Variants in PSME4 observed in about 807,000 individuals in gnomAD.
The protein encoded by PSME4 is proteasome activator complex subunit 4.
PSME4 carries 89 observed loss-of-function variants against 253.9 expected under a neutral mutation model. The ratio of observed to expected loss-of-function variants is 0.35; its 90% CI spans 0.30 to 0.42. The LOEUF is 0.42. Among genes scored for constraint, PSME4 ranks in the 10% least tolerant of loss-of-function variants. The probability of loss-of-function intolerance (pLI) is 1.00; values close to 1 mark genes in which losing one functional copy is unlikely to be tolerated. For synonymous variants in PSME4, 851 were observed against 759.2 expected (o/e 1.12, Z -1.99); for missense variants, 2,014 against 2,195.2 (o/e 0.92, Z 1.65).
rs766480210 is a variant in PSME4 at position 53,927,398 on chromosome 2, G to C, written c.1589C>G (p.Thr530Arg). Residue 530 changes from threonine to arginine, a missense_variant, in exon 12 of 47, where the codon ACA (threonine) becomes AGA (arginine). Coordinates refer to ENST00000404125, the MANE Select transcript of PSME4 (RefSeq NM_014614.3). ...ATAACCATAAAATACCCTTACTTCTGTGAGGTCATTTCTTTCTTGTAGTAC... is the reference window on the plus strand; with the variant it reads ...ATAACCATAAAATACCCTTACTTCTCTGAGGTCATTTCTTTCTTGTAGTAC... Reference protein sequence around the residue: ...SSVLQERNDLTEVERELCSAT... With the variant: ...SSVLQERNDLREVERELCSAT... 9.6e-6 allele frequency: 15 copies of C among 1,557,762 alleles called. No individual in the cohort carries two copies. Among genetic ancestry groups the C allele is most frequent in the Non-Finnish European group, 1.3e-5 (15 of 1,128,920 alleles).
intron 7 of PSME4, among the ~76,000 whole-genome samples, chr2:53,934,941 C>T (rs1416645054): frequency 6.6e-6 from 1 of 152,078 alleles, no homozygotes; most frequent in Non-Finnish European, 1.5e-5. Context: ...AGGTCAGAGG[C>T]ACATGGACAT....
Position 53,928,281 on chromosome 2 carries a change from A to C in PSME4, c.1339T>G (p.Leu447Val). The change falls in exon 11 of 47, where the codon TTA becomes GTA. Residue 447 changes from leucine (L) to valine (V), a missense_variant. Leu to Val is a conservative substitution (Grantham distance 32). This residue lies in a region of PSME4 where 615 missense variants were observed against 594.4 expected (regional missense o/e 1.03). Transcript: ENST00000404125. Reference sequence around the variant, plus strand: ...GCTGTGAGCTGGTGAGGTTCTGTTAATGTCTCTAATGCAGGATATGTTCTA... The same window carrying C: ...GCTGTGAGCTGGTGAGGTTCTGTTACTGTCTCTAATGCAGGATATGTTCTA... ...LERTYPALET[L>V]TEPHQLTATL... 1 of 1,614,058 alleles carries C rather than the reference A, an allele frequency of 6.2e-7. No individual in the cohort carries two copies. The highest frequency in any genetic ancestry group is 8.5e-7 in the Non-Finnish European group (1 of 1,179,934).
intron 41 of PSME4, among the ~76,000 whole-genome samples, chr2:53,877,522 T>A (rs1432769579): frequency 6.6e-6 from 1 of 152,164 alleles, no homozygotes; most frequent in Non-Finnish European, 1.5e-5. Flanking sequence ...AAAAAATTAT[T>A]CTGACATTTG....
rs1168229200 is a variant in PSME4, at chr2:53,920,883, G to C, written c.2262+6C>G. 6.3e-7 allele frequency: 1 copy of C among 1,576,952 alleles called. No homozygotes were observed. Among genetic ancestry groups the C allele is most frequent in the Admixed American group, 1.7e-5 (1 of 59,658 alleles). Reference sequence around the variant, plus strand: ...TCTTGAATCCTAAAGTACTGAAAATGCTTGCCTTGATAGGAAAGTATTCAG... The same window carrying C: ...TCTTGAATCCTAAAGTACTGAAAATCCTTGCCTTGATAGGAAAGTATTCAG... On this transcript the variant is annotated splice_donor_region_variant and intron_variant, in intron 18 of 46. Transcript: ENST00000404125.
intron 44 of PSME4, among the ~76,000 whole-genome samples, chr2:53,868,977 T>C (rs1678739442): frequency 6.6e-6 from 1 of 152,064 alleles, no homozygotes; most frequent in African/African-American, 2.4e-5. Context: ...GACCGAATAA[T>C]CCCCTCTCCA....
chr2:53,923,007 T>C (rs1668393533), intron 16 of PSME4, 42 bp downstream of exon 16: 10 of 1,382,048 alleles, frequency 7.2e-6, no homozygotes, highest in African/African-American at 1.5e-5. Flanking sequence ...GAAAAAAACT[T>C]ATCCAAAATT....
At chr2:53,937,162 T>C (rs1246527660) in intron 5 of PSME4, among the ~76,000 whole-genome samples, 1 of 152,148 alleles carries the variant, frequency 6.6e-6, no homozygotes, top group Non-Finnish European at 1.5e-5. Flanking sequence ...CTTCTGACAA[T>C]TTTTTCTTTC....
At chr2:53,959,475 C>G (rs1670384056) in intron 1 of PSME4, among the ~76,000 whole-genome samples, 1 of 152,120 alleles carries the variant, frequency 6.6e-6, no homozygotes, top group South Asian at 2.1e-4. Context: ...CTGAACGACC[C>G]CCTCAATTAA....
intron 20 of PSME4, 45 bp downstream of exon 20, chr2:53,919,106 A>G (rs768170574): frequency 6.5e-7 from 1 of 1,541,620 alleles, no homozygotes; most frequent in South Asian, 1.2e-5. Flanking sequence ...TAAGTGACTA[A>G]GACTTAAAAT....
At chr2:53,939,876 T>C (rs367937753) in intron 4 of PSME4, 80 bp downstream of exon 4, 24 of 1,281,262 alleles carry the variant, frequency 1.9e-5, no homozygotes, top group East Asian at 7.2e-5. Flanking sequence ...ATACTTTTCA[T>C]TTCCTTTTCA....
chr2:53,868,533 T>A (rs866767015), intron 44 of PSME4, among the ~76,000 whole-genome samples: 1 of 55,160 alleles, frequency 1.8e-5, no homozygotes, highest in African/African-American at 5.6e-5. Context: ...ATATATATAA[T>A]ATATATTATA....
intron 4 of PSME4, among the ~76,000 whole-genome samples, 185 bp from the exon 5 acceptor site, chr2:53,937,725 C>A (rs1669188805): frequency 6.6e-6 from 1 of 152,086 alleles, no homozygotes; most frequent in Non-Finnish European, 1.5e-5. Context: ...CAGTTGGGTG[C>A]AGTAGTTCAT....
chr2:53,898,194 C>G (rs1047108069), intron 30 of PSME4, 107 bp downstream of exon 30: 1 of 1,238,300 alleles, frequency 8.1e-7, no homozygotes, highest in Non-Finnish European at 1.1e-6. Context: ...ATACACAAAC[C>G]GGAATATAAC....
chr2:53,880,969 T>C (rs1410263632), intron 41 of PSME4, among the ~76,000 whole-genome samples: 1 of 152,210 alleles, frequency 6.6e-6, no homozygotes, highest in East Asian at 1.9e-4. Flanking sequence ...ACTTCATCTG[T>C]TGAATCAGCC....
intron 20 of PSME4, among the ~76,000 whole-genome samples, chr2:53,913,617 G>C (rs1356417341): frequency 6.6e-6 from 1 of 152,066 alleles, no homozygotes. Flanking sequence ...TCTCACAAGA[G>C]ACAGTTAGGC....
At chr2:53,955,763 T>C (rs1272269751) in intron 1 of PSME4, among the ~76,000 whole-genome samples, 1 of 141,318 alleles carries the variant, frequency 7.1e-6, no homozygotes, top group Non-Finnish European at 1.6e-5. Flanking sequence ...GCCTACAAGA[T>C]ATACAAAAAT....
chr2:53,952,032 T>C (rs1400563995), intron 1 of PSME4, among the ~76,000 whole-genome samples: 1 of 152,184 alleles, frequency 6.6e-6, no homozygotes, highest in African/African-American at 2.4e-5. Context: ...AATGTTATTT[T>C]AAATGAACAC....
At chr2:53,953,495 A>G (rs1456807055) in intron 1 of PSME4, among the ~76,000 whole-genome samples, 1 of 150,822 alleles carries the variant, frequency 6.6e-6, no homozygotes, top group Non-Finnish European at 1.5e-5. Flanking sequence ...ATTAAAAAAA[A>G]AAAAAAAAAA....
At chr2:53,917,764 T>C (rs1668124418) in intron 20 of PSME4, among the ~76,000 whole-genome samples, 3 of 152,234 alleles carry the variant, frequency 2.0e-5, no homozygotes, top group Non-Finnish European at 2.9e-5. Context: ...TATTACACAC[T>C]GTTAAGATCA....
Sources: gnomAD v4.1 joint callset for allele counts (sites outside exome capture counted in the v4.1 genomes callset) on GRCh38, gnomAD v4.1.1 for gene constraint, gnomAD v4.1.1 regional missense constraint, MANE v1.5 for transcripts, NCBI Gene and HGNC (gene_info 2026-07-23, HGNC 2026-07-21) for gene names.